Variants in EXT2 observed in about 807,000 individuals in gnomAD.
EXT2 encodes the protein exostosin glycosyltransferase 2.
EXT2 carries 53 observed loss-of-function variants against 81.6 expected under a neutral mutation model. The ratio of observed to expected loss-of-function variants is 0.65; its 90% CI spans 0.52 to 0.82. The LOEUF (loss-of-function observed/expected upper bound fraction) is 0.82. EXT2 is among the 40% of genes least tolerant of loss of function. EXT2 has a pLI of 0.00. For synonymous variants in EXT2, 320 were observed against 340.0 expected, an observed-to-expected ratio of 0.94 and a Z score of 0.65; for missense variants, 774 against 910.2, an observed-to-expected ratio of 0.85 and a Z score of 1.93.
chr11:44,119,140 A>ATG (rs1734637379), intron 4 of EXT2, among the ~76,000 whole-genome samples: 1 of 30,714 alleles, frequency 3.3e-5, no homozygotes, highest in Non-Finnish European at 7.4e-5. Context: ...ATATATATAT[A>ATG]TATATATATA....
intron 1 of EXT2, among the ~76,000 whole-genome samples, chr11:44,106,518 T>G (rs1275728618): frequency 2.6e-5 from 4 of 152,218 alleles, no homozygotes; most frequent in African/African-American, 9.7e-5. Context: ...TGCCTTTTGT[T>G]ATAGCTTTGT....
At chr11:44,214,106 T>TTTC (rs138857765) in intron 10 of EXT2, among the ~76,000 whole-genome samples, 2,419 of 151,542 alleles carry the variant, frequency 0.016, 73 homozygotes, top group African/African-American at 0.055. Context: ...TATTTGTAAC[T>TTTC]TTCTTCTTCT....
At chr11:44,195,315 T>A (rs1353458775) in intron 8 of EXT2, among the ~76,000 whole-genome samples, 2 of 151,892 alleles carry the variant, frequency 1.3e-5, no homozygotes, top group Non-Finnish European at 1.5e-5. Context: ...ATGCCTGTAA[T>A]CCCAGCTACT....
intron 8 of EXT2, among the ~76,000 whole-genome samples, chr11:44,181,900 A>C (rs1955241112): frequency 6.6e-6 from 1 of 152,206 alleles, no homozygotes; most frequent in South Asian, 2.1e-4. Flanking sequence ...GAAGCTCTGT[A>C]TACATGAATA....
At chr11:44,196,932 T>A (rs1955461936) in intron 8 of EXT2, among the ~76,000 whole-genome samples, 1 of 152,166 alleles carries the variant, frequency 6.6e-6, no homozygotes, top group Non-Finnish European at 1.5e-5. Context: ...GAAAAGCTGA[T>A]CGGAAGTTCT....
intron 8 of EXT2, among the ~76,000 whole-genome samples, chr11:44,186,784 T>G (rs1365661114): frequency 1.3e-5 from 2 of 152,194 alleles, no homozygotes; most frequent in African/African-American, 4.8e-5. Context: ...AAATCTCTCT[T>G]TGCAACAATT....
At position 44,229,646 on chromosome 11, in the gene EXT2, A is replaced by G. The variant is rs577968389; in HGVS notation, c.1663-2707A>G. On this transcript the variant is annotated intron_variant, in intron 10 of 13. Coordinates refer to ENST00000533608, the MANE Select transcript of EXT2 (RefSeq NM_207122.2). ...CCTGCTTCTGGAAAAACAAGTCACA[A>G]CATGTGCTTTAGTGGGGAATTAGGA... Among the ~76,000 whole-genome samples the G allele has an allele frequency of 3.9e-5, 6 of 152,306 alleles. No individual in the cohort carries two copies. In the East Asian group the frequency reaches 1.2e-3, roughly 29 times the overall value.
At chr11:44,237,202 T>A (rs1312958199) in intron 13 of EXT2, among the ~76,000 whole-genome samples, 1 of 152,140 alleles carries the variant, frequency 6.6e-6, no homozygotes, top group Admixed American at 6.5e-5. Context: ...TTCACAGATC[T>A]CATATGCCTC....
rs759860386 is a variant in EXT2 at position 44,245,672 on chromosome 11, T to G, written c.*1385T>G. 3.3e-5 allele frequency among the ~76,000 whole-genome samples: 5 copies of G among 152,234 alleles called. No homozygotes were observed. The highest frequency in any genetic ancestry group is 7.3e-5 in the Non-Finnish European group (5 of 68,042). ...AGCGTCAGTCATACACCATCCATTG[T>G]TCTGTTGAGTGACATGAAGGTGGGC... On this transcript the variant is annotated 3_prime_UTR_variant, in exon 14 of 14. Transcript: ENST00000533608.
At chr11:44,133,712 A>G (rs1007077811) in intron 7 of EXT2, among the ~76,000 whole-genome samples, 9 of 152,206 alleles carry the variant, frequency 5.9e-5, no homozygotes, top group South Asian at 2.1e-4. Context: ...TGCTTAGCAC[A>G]GGATTTTACT....
chr11:44,196,160 A>C (rs2135181232), intron 8 of EXT2, among the ~76,000 whole-genome samples: 2 of 152,364 alleles, frequency 1.3e-5, no homozygotes, highest in South Asian at 4.1e-4. Flanking sequence ...TTATTTTAAA[A>C]ACATTTCACA....
chr11:44,156,936 A>T (rs902160735), intron 7 of EXT2, among the ~76,000 whole-genome samples: 1 of 152,190 alleles, frequency 6.6e-6, no homozygotes, highest in African/African-American at 2.4e-5. Flanking sequence ...GCCGTTCTGC[A>T]TTGGGGGCAG....
chr11:44,097,663 C>T (rs561524213), intron 1 of EXT2, among the ~76,000 whole-genome samples: 4 of 151,782 alleles, frequency 2.6e-5, no homozygotes, highest in East Asian at 1.9e-4. Flanking sequence ...TGGTAGCACA[C>T]GCTTGTAATC....
intron 8 of EXT2, among the ~76,000 whole-genome samples, chr11:44,176,549 C>T (rs1955160771): frequency 6.6e-6 from 1 of 152,030 alleles, no homozygotes; most frequent in African/African-American, 2.4e-5. Flanking sequence ...GACAAGAGCC[C>T]TGATTTAAAG....
At chr11:44,158,915 TCTATTG>T (rs1565215902) in intron 7 of EXT2, among the ~76,000 whole-genome samples, 1 of 152,072 alleles carries the variant, frequency 6.6e-6, no homozygotes, top group African/African-American at 2.4e-5. Flanking sequence ...TCCACTTCCT[TCTATTG>T]CATGGTTTTT....
chr11:44,230,577 A>G (rs1385656605), intron 10 of EXT2, among the ~76,000 whole-genome samples: 1 of 152,150 alleles, frequency 6.6e-6, no homozygotes, highest in Non-Finnish European at 1.5e-5. Flanking sequence ...TTAGACACAG[A>G]GATAGACTTG....
chr11:44,234,833 C>G (rs764559723), intron 12 of EXT2, among the ~76,000 whole-genome samples: 21 of 152,084 alleles, frequency 1.4e-4, no homozygotes, highest in Non-Finnish European at 2.5e-4. Context: ...AATAAGATCC[C>G]TAGATATGTA....
In EXT2 at chr11:44,249,263, G is replaced by A. The variant is rs1422310921; in HGVS notation, c.*4976G>A. On this transcript the variant is annotated 3_prime_UTR_variant, in exon 14 of 14. Coordinates refer to ENST00000533608, the MANE Select transcript of EXT2 (RefSeq NM_207122.2). ...TCCTCCTGCCTCAGCGTCCCAAAGT[G>A]TTGGGATTACAGGTGTGAACCACCA... Among the ~76,000 whole-genome samples, 1 of 152,196 alleles carries A rather than the reference G, an allele frequency of 6.6e-6. No homozygotes were observed. The highest frequency in any genetic ancestry group is 1.9e-4 in the East Asian group (1 of 5,194).
chr11:44,232,288 T>C lies in EXT2; in HGVS notation c.1663-65T>C, dbSNP rs1955908100. 2.5e-6 allele frequency: 4 copies of C among 1,607,242 alleles called. No individual in the cohort carries two copies. In the African/African-American group the frequency reaches 4.0e-5, roughly 16 times the overall value. ...GGAAGTCTGTTGATACCTGTTTGGA[T>C]AACTCAGCACTGAATGGTTGCTGTC... On this transcript the variant is annotated intron_variant, in intron 10 of 13. Transcript: ENST00000533608.
Sources: allele counts gnomAD v4.1 joint callset (sites outside exome capture counted in the v4.1 genomes callset), GRCh38; gene constraint gnomAD v4.1.1; transcripts MANE v1.5; gene names NCBI Gene and HGNC (gene_info 2026-07-23, HGNC 2026-07-21).